The following KLLN variants were observed in gnomAD, a reference collection of about 807,000 sequenced individuals.
KLLN encodes the protein killin, p53 regulated DNA replication inhibitor.
For missense variants in KLLN, 340 were observed against 241.3 expected (o/e 1.41, Z -2.71); for synonymous variants, 142 against 102.2 (o/e 1.39, Z -2.35).
rs1858303939 is a variant in KLLN at position 87,862,817 on chromosome 10, G to C, written c.-330C>G. ...AGAGGTGGGGCGCTGCAAGGGAGCCGGATGAGGTGATACACGCTGGCGACA... is the reference window on the plus strand; with the variant it reads ...AGAGGTGGGGCGCTGCAAGGGAGCCCGATGAGGTGATACACGCTGGCGACA... On this transcript the variant is annotated 5_prime_UTR_variant, in exon 1 of 1. Transcript: ENST00000445946. 2.4e-6 allele frequency: 1 copy of C among 422,176 alleles called. No homozygotes were observed. Among genetic ancestry groups the C allele is most frequent in the African/African-American group, 2.0e-5 (1 of 50,570 alleles). The allele number at this position is 422,176 out of a possible 1,614,324, so 26.2% of individuals were successfully genotyped here. A position where few individuals can be genotyped will look rare whatever the true frequency, so the allele number is the denominator to read the frequency against.
Position 87,862,121 on chromosome 10 carries a change from G to T in KLLN, c.367C>A (p.Arg123Ser). The change falls in exon 1 of 1, where the codon CGC (arginine) becomes AGC (serine). Residue 123 changes from arginine (R) to serine (S), a missense_variant. Arg to Ser is a moderately radical substitution (Grantham distance 110). Coordinates refer to ENST00000445946, the MANE Select transcript of KLLN (RefSeq NM_001126049.2). ...TTCCCCAAGCGCCAGCCCCGACAGC[G>T]CTCCTTCGGGAGGCTGGTCCGAGCC... ...TGARTSLPKE[R>S]CRGWRLGNWL... The T allele has an allele frequency of 6.5e-7, 1 of 1,546,516 alleles. No individual in the cohort carries two copies. The highest frequency in any genetic ancestry group is 1.7e-4 in the Middle Eastern group (1 of 5,960).
rs1564799156 is a variant in KLLN at position 87,862,345 on chromosome 10, C to G, written c.143G>C (p.Arg48Thr). 1.3e-6 allele frequency: 2 copies of G among 1,551,696 alleles called. No homozygotes were observed. The highest frequency in any genetic ancestry group is 1.2e-5 in the South Asian group (1 of 84,066). The change falls in exon 1 of 1, where the codon AGG (arginine) becomes ACG (threonine). Residue 48 changes from arginine to threonine, a missense_variant. Transcript: ENST00000445946. ...TGTGGCCCGTGTATCCTTCCACCTC[C>G]TTTTGAACCCTCCTAGGTCTCCTCG... is the stretch of plus-strand genomic sequence containing the variant. ...AGRGDLGGFK[R>T]RWKDTRATVG...
Position 87,862,650 on chromosome 10 carries a change from C to T in KLLN, c.-163G>A. The T allele has an allele frequency of 1.6e-6, 1 of 637,854 alleles. No individual in the cohort carries two copies. The highest frequency in any genetic ancestry group is 2.8e-5 in the East Asian group (1 of 36,352). The allele number at this position is 637,854 out of a possible 1,614,324, so 39.5% of individuals were successfully genotyped here. ...GCAGGAGAGGCCTGCGGGGTGCGTC[C>T]CACTCACAGGGATCCTCTTTCAGTT... is the stretch of plus-strand genomic sequence containing the variant. On this transcript the variant is annotated 5_prime_UTR_variant, in exon 1 of 1. Transcript: ENST00000445946.
Position 87,861,979 on chromosome 10 carries a change from C to G in KLLN, c.509G>C (p.Cys170Ser). 6.8e-7 allele frequency: 1 copy of G among 1,464,956 alleles called. No individual in the cohort carries two copies. Among genetic ancestry groups the G allele is most frequent in the Middle Eastern group, 1.8e-4 (1 of 5,546 alleles). The allele number at this position is 1,464,956 out of a possible 1,614,324, so 90.7% of individuals were successfully genotyped here. ...GTCCTTTGGCTTGCTCTTAGGGTAG[C>G]AGGCGAGGAGTGGCACCAGTTTGGG... is the stretch of plus-strand genomic sequence containing the variant. ...RVPKLVPLLA[C>S]YPKSKPKD Residue 170 changes from cysteine (C) to serine (S), a missense_variant, in exon 1 of 1, where the codon TGC becomes TCC. Transcript: ENST00000445946.
Position 87,861,442 on chromosome 10 carries a change from T to C in KLLN, c.*509A>G, listed in dbSNP as rs1421355710. Reference sequence around the variant, plus strand: ...TTTGACTCAAATTGTCGTCTGTAGTTCTACTTCCTAAGGGAAATGAAAAAA... The same window carrying C: ...TTTGACTCAAATTGTCGTCTGTAGTCCTACTTCCTAAGGGAAATGAAAAAA... On this transcript the variant is annotated 3_prime_UTR_variant, in exon 1 of 1. Transcript: ENST00000445946. 1.3e-5 allele frequency: 2 copies of C among 153,470 alleles called. No homozygotes were observed. The highest frequency in any genetic ancestry group is 4.8e-5 in the African/African-American group (2 of 41,518). The allele number at this position is 153,470 out of a possible 1,614,324, so 9.5% of individuals were successfully genotyped here.
At position 87,860,350 on chromosome 10, in the gene KLLN, T is replaced by C. The variant is rs1858236634; in HGVS notation, c.*1601A>G. The C allele has an allele frequency of 1.3e-5, 2 of 152,288 alleles. No individual in the cohort carries two copies. The highest frequency in any genetic ancestry group is 6.5e-5 in the Admixed American group (1 of 15,304). The allele number at this position is 152,288 out of a possible 1,614,324, so 9.4% of individuals were successfully genotyped here. On this transcript the variant is annotated 3_prime_UTR_variant, in exon 1 of 1. Coordinates refer to ENST00000445946, the MANE Select transcript of KLLN (RefSeq NM_001126049.2). ...CATTGATGATCCTTTCATTCACCAC[T>C]AGAGAGAAGTAGAGGGACCTGATGT...
chr10:87,862,345 C>CT, the KLLN span: 33 of 1,551,578 alleles, frequency 2.1e-5, no homozygotes, highest in Middle Eastern at 6.7e-4. Flanking sequence ...CTTCCACCTC[C>CT]TTTTGAACCC....
Position 87,862,600 on chromosome 10 carries a change from C to T in KLLN, c.-113G>A, listed in dbSNP as rs1858297270. ...GGAGCCCGAGGGGAAAGATGCTCGACTCTCTTGGGGGCACCGGAGCGGGCG... is the reference window on the plus strand; with the variant it reads ...GGAGCCCGAGGGGAAAGATGCTCGATTCTCTTGGGGGCACCGGAGCGGGCG... On this transcript the variant is annotated 5_prime_UTR_variant, in exon 1 of 1. Coordinates refer to ENST00000445946, the MANE Select transcript of KLLN (RefSeq NM_001126049.2). 3.0e-6 allele frequency: 3 copies of T among 1,015,602 alleles called. No individual in the cohort carries two copies. The highest frequency in any genetic ancestry group is 4.3e-6 in the Non-Finnish European group (3 of 697,844). The allele number at this position is 1,015,602 out of a possible 1,614,324, so 62.9% of individuals were successfully genotyped here.
Position 87,862,852 on chromosome 10 carries a change from G to A in KLLN, c.-365C>T, listed in dbSNP as rs1333346059. ...ATACACGCTGGCGACACAATAGCAG[G>A]TTGCTCTTTGTGCTAAGACTGACAC... On this transcript the variant is annotated 5_prime_UTR_variant, in exon 1 of 1. Transcript: ENST00000445946. 6.1e-6 allele frequency: 2 copies of A among 326,360 alleles called. No homozygotes were observed. Among genetic ancestry groups the A allele is most frequent in the Middle Eastern group, 9.5e-4 (1 of 1,056 alleles). 20.2% of individuals were successfully genotyped at this position (326,360 alleles called of 1,614,324 possible). A position where few individuals can be genotyped will look rare whatever the true frequency, so the allele number is the denominator to read the frequency against.
rs1464221058 is a variant in KLLN at position 87,861,295 on chromosome 10, ATAAACC to A, written c.*650_*655del. The A allele has an allele frequency of 6.6e-6, 1 of 152,270 alleles. No individual in the cohort carries two copies. Among genetic ancestry groups the A allele is most frequent in the Non-Finnish European group, 1.5e-5 (1 of 68,050 alleles). 9.4% of individuals were successfully genotyped at this position (152,270 alleles called of 1,614,324 possible). On this transcript the variant is annotated 3_prime_UTR_variant, in exon 1 of 1. Transcript: ENST00000445946. ...TACAGTACTCTTTCTCAAATACAGC[ATAAACC>A]CTCTTTAGACTTTGCTAGGCACTTA... is the stretch of plus-strand genomic sequence containing the variant.
At position 87,862,145 on chromosome 10, in the gene KLLN, C is replaced by A. The variant is rs1273305925; in HGVS notation, c.343G>T (p.Ala115Ser). 1.9e-6 allele frequency: 3 copies of A among 1,550,608 alleles called. No individual in the cohort carries two copies. The highest frequency in any genetic ancestry group is 3.9e-5 in the Admixed American group (2 of 50,946). Residue 115 changes from alanine to serine, a missense_variant, in exon 1 of 1, where the codon GCT (alanine) becomes TCT (serine). Coordinates refer to ENST00000445946, the MANE Select transcript of KLLN (RefSeq NM_001126049.2). ...NPSCAAAETG[A>S]RTSLPKERCR... ...CGCTCCTTCGGGAGGCTGGTCCGAGCCCCTGTTTCCGCCGCGGCGCAGGAA... is the reference window on the plus strand; with the variant it reads ...CGCTCCTTCGGGAGGCTGGTCCGAGACCCTGTTTCCGCCGCGGCGCAGGAA...
In KLLN at chr10:87,862,952, G is replaced by T. The variant is rs1858307882; in HGVS notation, c.-465C>A. On this transcript the variant is annotated 5_prime_UTR_variant, in exon 1 of 1. Transcript: ENST00000445946. ...TACAGTCAAATCTCTGCGAACGATTGTGATCCGACAGCGGTGCAAAAGGAA... is the reference window on the plus strand; with the variant it reads ...TACAGTCAAATCTCTGCGAACGATTTTGATCCGACAGCGGTGCAAAAGGAA... 2 of 190,444 alleles carry T rather than the reference G, an allele frequency of 1.1e-5. No homozygotes were observed. The allele number at this position is 190,444 out of a possible 1,614,324, so 11.8% of individuals were successfully genotyped here.
In KLLN at chr10:87,862,740, C is replaced by A; in HGVS notation, c.-253G>T. ...GCTATGTGTTCACGTTCAGCACGCT[C>A]GGCTGAGAGCTTTCATTTTTAGGGC... On this transcript the variant is annotated 5_prime_UTR_variant, in exon 1 of 1. Transcript: ENST00000445946. 1.9e-6 allele frequency: 1 copy of A among 523,356 alleles called. No homozygotes were observed. Among genetic ancestry groups the A allele is most frequent in the Non-Finnish European group, 3.5e-6 (1 of 284,226 alleles). The allele number at this position is 523,356 out of a possible 1,614,324, so 32.4% of individuals were successfully genotyped here. A position where few individuals can be genotyped will look rare whatever the true frequency, so the allele number is the denominator to read the frequency against.
At position 87,862,309 on chromosome 10, in the gene KLLN, G is replaced by T; in HGVS notation, c.179C>A (p.Thr60Asn). Residue 60 changes from threonine (T) to asparagine (N), a missense_variant, in exon 1 of 1, where the codon ACT becomes AAT. Coordinates refer to ENST00000445946, the MANE Select transcript of KLLN (RefSeq NM_001126049.2). ...GGACACACGTGACCTCCTTCGGAAA[G>T]TAGTTCCGACTGTGGCCCGTGTATC... ...WKDTRATVGT[T>N]FRRRSRVSLV... is the part of the protein sequence containing the mutation. 6.4e-7 allele frequency: 1 copy of T among 1,551,754 alleles called. No homozygotes were observed. Among genetic ancestry groups the T allele is most frequent in the Non-Finnish European group, 8.7e-7 (1 of 1,146,990 alleles).
rs1177072090 is a variant in KLLN at position 87,862,360 on chromosome 10, A to G, written c.128T>C (p.Leu43Pro). Residue 43 changes from leucine (L) to proline (P), a missense_variant, in exon 1 of 1, where the codon CTA (leucine) becomes CCA (proline). Physicochemically the swap from Leu to Pro is moderately conservative, Grantham distance 98. Coordinates refer to ENST00000445946, the MANE Select transcript of KLLN (RefSeq NM_001126049.2). ...CTTCCACCTCCTTTTGAACCCTCCT[A>G]GGTCTCCTCGCCCCGCCCACTCGCT... ...QPSEWAGRGD[L>P]GGFKRRWKDT... 1 of 1,551,474 alleles carries G rather than the reference A, an allele frequency of 6.4e-7. No individual in the cohort carries two copies. The highest frequency in any genetic ancestry group is 2.4e-5 in the East Asian group (1 of 40,884).
In KLLN at chr10:87,861,760, T is replaced by C. The variant is rs1858259794; in HGVS notation, c.*191A>G. 1.9e-6 allele frequency: 1 copy of C among 527,148 alleles called. No individual in the cohort carries two copies. The highest frequency in any genetic ancestry group is 3.3e-6 in the Non-Finnish European group (1 of 307,068). The allele number at this position is 527,148 out of a possible 1,614,324, so 32.7% of individuals were successfully genotyped here. On this transcript the variant is annotated 3_prime_UTR_variant, in exon 1 of 1. Transcript: ENST00000445946. ...CTCAGGGGTAGTGACTGGACGTTTG[T>C]TGCAACATCGGAGAATGCACGCTCT...
At position 87,862,003 on chromosome 10, in the gene KLLN, G is replaced by A; in HGVS notation, c.485C>T (p.Pro162Leu). 1 of 1,475,388 alleles carries A rather than the reference G, an allele frequency of 6.8e-7. No homozygotes were observed. Among genetic ancestry groups the A allele is most frequent in the Non-Finnish European group, 9.0e-7 (1 of 1,112,578 alleles). 91.4% of individuals were successfully genotyped at this position (1,475,388 alleles called of 1,614,324 possible). A position where few individuals can be genotyped will look rare whatever the true frequency, so the allele number is the denominator to read the frequency against. Reference protein sequence around the residue: ...PILTERGERVPKLVPLLACYP... With the variant: ...PILTERGERVLKLVPLLACYP... ...GCAGGCGAGGAGTGGCACCAGTTTGGGGACTCTCTCCCCGCGTTCTGTAAG... is the reference window on the plus strand; with the variant it reads ...GCAGGCGAGGAGTGGCACCAGTTTGAGGACTCTCTCCCCGCGTTCTGTAAG... Residue 162 changes from proline (P) to leucine (L), a missense_variant, in exon 1 of 1, where the codon CCC becomes CTC. Coordinates refer to ENST00000445946, the MANE Select transcript of KLLN (RefSeq NM_001126049.2).
At position 87,859,629 on chromosome 10, in the gene KLLN, T is replaced by A. The variant is rs1271030116; in HGVS notation, c.*2322A>T. ...ATAATTAAAGCTAGTTTACCATGCT[T>A]ACTAATCAATCTACATAGTCACCCT... On this transcript the variant is annotated 3_prime_UTR_variant, in exon 1 of 1. Transcript: ENST00000445946. 6.6e-6 allele frequency: 1 copy of A among 152,196 alleles called. No individual in the cohort carries two copies. The highest frequency in any genetic ancestry group is 1.5e-5 in the Non-Finnish European group (1 of 68,024). The allele number at this position is 152,196 out of a possible 1,614,324, so 9.4% of individuals were successfully genotyped here. A position where few individuals can be genotyped will look rare whatever the true frequency, so the allele number is the denominator to read the frequency against.
In KLLN at chr10:87,860,318, CTGCCAACA is replaced by C. The variant is rs1412782078; in HGVS notation, c.*1625_*1632del. 6.6e-6 allele frequency: 1 copy of C among 152,244 alleles called. No homozygotes were observed. Among genetic ancestry groups the C allele is most frequent in the East Asian group, 1.9e-4 (1 of 5,198 alleles). 9.4% of individuals were successfully genotyped at this position (152,244 alleles called of 1,614,324 possible). A position where few individuals can be genotyped will look rare whatever the true frequency, so the allele number is the denominator to read the frequency against. On this transcript the variant is annotated 3_prime_UTR_variant, in exon 1 of 1. Coordinates refer to ENST00000445946, the MANE Select transcript of KLLN (RefSeq NM_001126049.2). Reference sequence around the variant, plus strand: ...TGTTGCTGTTGGGCTGGCCAAATATCTGCCAACATTGATGATCCTTTCATTCACCACTA... The same window carrying C: ...TGTTGCTGTTGGGCTGGCCAAATATCTTGATGATCCTTTCATTCACCACTA...
Sources: allele counts gnomAD v4.1 joint callset, GRCh38; gene constraint gnomAD v4.1.1; transcripts MANE v1.5; gene names NCBI Gene and HGNC (gene_info 2026-07-23, HGNC 2026-07-21).